Variants in SDK1 observed in about 807,000 individuals in gnomAD.
The protein encoded by SDK1 is sidekick cell adhesion molecule 1.
A neutral mutation model predicts 245.5 loss-of-function variants in SDK1; 157 were observed. The ratio of observed to expected loss-of-function variants is 0.64; its 90% CI spans 0.56 to 0.73. The LOEUF (loss-of-function observed/expected upper bound fraction) is 0.73. Among genes scored for constraint, SDK1 ranks in the 30% least tolerant of loss-of-function variants. The probability of loss-of-function intolerance (pLI) is 0.00; values close to 1 mark genes in which losing one functional copy is unlikely to be tolerated. For synonymous variants in SDK1, 1,647 were observed against 1,278.5 expected, an observed-to-expected ratio of 1.29 and a Z score of -6.15; for missense variants, 3,583 against 3,002.3, an observed-to-expected ratio of 1.19 and a Z score of -4.52.
chr7:4,242,513 A>G (rs1786593463), intron 43 of SDK1, among the ~76,000 whole-genome samples: 1 of 151,948 alleles, frequency 6.6e-6, no homozygotes, highest in African/African-American at 2.4e-5. Context: ...TGATGTGCAG[A>G]GCGCCATCCT....
chr7:4,081,426 T>A (rs942554735), intron 22 of SDK1, among the ~76,000 whole-genome samples: 1 of 142,308 alleles, frequency 7.0e-6, no homozygotes, highest in African/African-American at 2.7e-5. Context: ...GTTTCTTTAA[T>A]TTTTTTTTTT....
intron 1 of SDK1, among the ~76,000 whole-genome samples, chr7:3,401,455 G>A (rs1275867511): frequency 1.3e-5 from 2 of 152,182 alleles, no homozygotes; most frequent in African/African-American, 2.4e-5. Flanking sequence ...AGCATCTGTA[G>A]AGTCAAATGG....
chr7:3,613,575 A>G lies in SDK1; in HGVS notation c.299-5505A>G, dbSNP rs187890090. Among the ~76,000 whole-genome samples, 393 of 152,306 alleles carry G rather than the reference A, an allele frequency of 2.6e-3. 2 individuals are homozygous for G. The highest frequency in any genetic ancestry group is 9.1e-3 in the African/African-American group (378 of 41,564). The stretch of plus-strand genomic sequence containing the variant: ...AATTAGTTCAGCCATTGTGGAAGAC[A>G]GTGTGGTGATTCCTCAAAGACCTAA... On this transcript the variant is annotated intron_variant, in intron 1 of 44. Coordinates refer to ENST00000404826, the MANE Select transcript of SDK1 (RefSeq NM_152744.4).
intron 5 of SDK1, among the ~76,000 whole-genome samples, chr7:3,905,532 A>C (rs1053357222): frequency 6.6e-6 from 1 of 151,726 alleles, no homozygotes; most frequent in Non-Finnish European, 1.5e-5. Context: ...TTTTTTCCTT[A>C]TCTTTGCTGT....
intron 1 of SDK1, among the ~76,000 whole-genome samples, chr7:3,404,253 G>T (rs1778993575): frequency 6.6e-6 from 1 of 152,080 alleles, no homozygotes; most frequent in African/African-American, 2.4e-5. Context: ...GCACAAGAAA[G>T]CTAAGTGCAG....
chr7:4,131,607 C>G (rs775137952), intron 27 of SDK1, among the ~76,000 whole-genome samples: 15 of 152,198 alleles, frequency 9.9e-5, no homozygotes, highest in Non-Finnish European at 1.3e-4. Flanking sequence ...TTAATTCCAA[C>G]AAGAAGCTCT....
intron 1 of SDK1, among the ~76,000 whole-genome samples, chr7:3,470,174 A>C (rs191043497): frequency 2.1e-4 from 32 of 152,258 alleles, no homozygotes; most frequent in Admixed American, 1.8e-3. Context: ...CATACTAAAA[A>C]TTTCCAAGAT....
At chr7:3,432,567 T>G (rs1042437198) in intron 1 of SDK1, among the ~76,000 whole-genome samples, 5 of 152,190 alleles carry the variant, frequency 3.3e-5, no homozygotes, top group African/African-American at 1.2e-4. Flanking sequence ...TTTAAAAGAT[T>G]ACTACCGAAG....
intron 1 of SDK1, among the ~76,000 whole-genome samples, chr7:3,438,837 C>T (rs200023539): frequency 7.6e-6 from 1 of 131,226 alleles, no homozygotes; most frequent in Admixed American, 8.1e-5. Flanking sequence ...TTTTCTTCCC[C>T]TTTGTATTAA....
rs879163103 is a variant in SDK1, at chr7:4,217,215, A to G, written c.5540-2894A>G. Reference sequence around the variant, plus strand: ...TGCCACCCGGAGCACCAGGCCACCCAGAGCACCAGGCCACCTGGAGCACCA... The same window carrying G: ...TGCCACCCGGAGCACCAGGCCACCCGGAGCACCAGGCCACCTGGAGCACCA... On this transcript the variant is annotated intron_variant, in intron 38 of 44. Transcript: ENST00000404826. 6.3e-3 allele frequency among the ~76,000 whole-genome samples: 436 copies of G among 69,138 alleles called. 13 individuals carry two copies. The highest frequency in any genetic ancestry group is 0.04 in the South Asian group (77 of 1,932). 45.4% of individuals were successfully genotyped at this position (69,138 alleles called of 152,430 possible).
chr7:3,959,259 C>G (rs1001111172), intron 8 of SDK1, among the ~76,000 whole-genome samples: 7 of 151,998 alleles, frequency 4.6e-5, no homozygotes, highest in Non-Finnish European at 8.8e-5. Context: ...AAAGGAAGCC[C>G]ACATCTACCC....
Position 3,814,415 on chromosome 7 carries a change from A to G in SDK1, c.714-7035A>G, listed in dbSNP as rs1418820038. On this transcript the variant is annotated intron_variant, in intron 4 of 44. Coordinates refer to ENST00000404826, the MANE Select transcript of SDK1 (RefSeq NM_152744.4). ...TTTTCTCAGGTTTGTCAAAGATCAG[A>G]TAGTTGTAGGTATGCGGCGTTATTT... Among the ~76,000 whole-genome samples, 5 of 151,110 alleles carry G rather than the reference A, an allele frequency of 3.3e-5. No individual in the cohort carries two copies. The East Asian group carries it at 9.8e-4, about 30-fold the overall frequency.
chr7:3,733,439 C>A (rs1377457834), intron 4 of SDK1, among the ~76,000 whole-genome samples: 1 of 152,146 alleles, frequency 6.6e-6, no homozygotes, highest in Non-Finnish European at 1.5e-5. Flanking sequence ...AGAATGCTGT[C>A]TTTGCTTTAA....
chr7:3,699,646 C>T (rs113519657), intron 4 of SDK1, among the ~76,000 whole-genome samples: 1,587 of 152,004 alleles, frequency 0.01, 30 homozygotes, highest in African/African-American at 0.036. Context: ...ATTTCTGGGA[C>T]TACAATAAAA....
chr7:3,845,256 C>T (rs1436523587), intron 5 of SDK1, among the ~76,000 whole-genome samples: 1 of 151,986 alleles, frequency 6.6e-6, no homozygotes, highest in Admixed American at 6.6e-5. Context: ...CTTTGAGAAG[C>T]CCAGGTGGGT....
At chr7:4,157,061 C>T (rs1018938406) in intron 30 of SDK1, among the ~76,000 whole-genome samples, 2 of 152,092 alleles carry the variant, frequency 1.3e-5, no homozygotes, top group African/African-American at 2.4e-5. Context: ...CTTGCTCATT[C>T]GGAAGTCGAA....
chr7:3,778,955 C>G (rs1295911833), intron 4 of SDK1, among the ~76,000 whole-genome samples: 1 of 152,114 alleles, frequency 6.6e-6, no homozygotes, highest in Non-Finnish European at 1.5e-5. Context: ...GTTTAACATC[C>G]TTGACACTTA....
intron 1 of SDK1, among the ~76,000 whole-genome samples, chr7:3,421,969 G>T (rs1779547310): frequency 6.6e-6 from 1 of 152,086 alleles, no homozygotes; most frequent in Admixed American, 6.5e-5. Context: ...CAGGAGTTGT[G>T]AGATTCTTGG....
intron 28 of SDK1, among the ~76,000 whole-genome samples, chr7:4,141,607 G>A (rs1470023663): frequency 6.6e-6 from 1 of 152,190 alleles, no homozygotes; most frequent in Non-Finnish European, 1.5e-5. Flanking sequence ...ATGAATCAAG[G>A]GAACTCAGGT....
Sources: allele counts gnomAD v4.1 joint callset (sites outside exome capture counted in the v4.1 genomes callset), GRCh38; gene constraint gnomAD v4.1.1; transcripts MANE v1.5; gene names NCBI Gene and HGNC (gene_info 2026-07-23, HGNC 2026-07-21).